The following FAM170A variants were observed in gnomAD, a reference collection of about 807,000 sequenced individuals.
FAM170A encodes the protein family with sequence similarity 170 member A.
A neutral mutation model predicts 36.6 loss-of-function variants in FAM170A; 28 were observed. That is an observed-to-expected ratio of 0.76 (90% CI 0.57 to 1.05). The LOEUF is 1.05. Ranked by LOEUF, FAM170A falls within the 50% of genes least tolerant of loss-of-function variation. The pLI is 0.00. For missense variants in FAM170A, 434 were observed against 396.5 expected (o/e 1.09, Z -0.80); for synonymous variants, 156 against 143.9 (o/e 1.08, Z -0.60).
At chr5:119,630,373 G>C (rs1329798404) in intron 1 of FAM170A, among the ~76,000 whole-genome samples, 2 of 143,430 alleles carry the variant, frequency 1.4e-5, no homozygotes, top group African/African-American at 5.3e-5. Context: ...GGGTTTCACC[G>C]TGTTAGCCAG....
rs1044780969 is a variant in FAM170A, at chr5:119,634,816, G to T, written c.986+82G>T. On this transcript the variant is annotated intron_variant, in intron 3 of 4. Transcript: ENST00000613773. ...TACTGTCTCCCCAGTTCAGGCTTAGGTCTCTGTAAGGAAGATTTGGGGGCT... is the reference window on the plus strand; with the variant it reads ...TACTGTCTCCCCAGTTCAGGCTTAGTTCTCTGTAAGGAAGATTTGGGGGCT... The T allele has an allele frequency of 2.1e-5, 30 of 1,416,584 alleles. No individual in the cohort carries two copies. In the Admixed American group the frequency reaches 6.7e-4, roughly 32 times the overall value. 87.8% of individuals were successfully genotyped at this position (1,416,584 alleles called of 1,614,324 possible).
intron 1 of FAM170A, among the ~76,000 whole-genome samples, chr5:119,630,328 T>G (rs753173826): frequency 0.051 from 7,289 of 142,960 alleles, 494 homozygotes; most frequent in East Asian, 0.33. Context: ...CTAATTTTTT[T>G]TTTTTTTTTT....
Position 119,632,789 on chromosome 5 carries a change from A to T in FAM170A, c.112A>T (p.Thr38Ser), listed in dbSNP as rs749846243. 3.3e-5 allele frequency: 54 copies of T among 1,612,276 alleles called. No individual in the cohort carries two copies. In the Admixed American group the frequency reaches 8.8e-4, roughly 26 times the overall value. ...AGAGGATGCCCTGCAGCCTGGATCC[A>T]CTAGAGTGGCCAAAGGCTGGAGCCA... is the stretch of plus-strand genomic sequence containing the variant. The change falls in exon 2 of 5, where the codon ACT (threonine) becomes TCT (serine). Residue 38 changes from threonine to serine, a missense_variant. Physicochemically the swap from Thr to Ser is moderately conservative, Grantham distance 58. Transcript: ENST00000613773.
chr5:119,629,647 A>G, exon 1 of FAM170A: 1 of 742,798 alleles, frequency 1.3e-6, no homozygotes, highest in Non-Finnish European at 2.3e-6. Context: ...TCGGAGATTC[A>G]ACTACGTTTA....
At chr5:119,631,932 A>T (rs1315430160) in intron 1 of FAM170A, among the ~76,000 whole-genome samples, 1 of 152,212 alleles carries the variant, frequency 6.6e-6, no homozygotes, top group African/African-American at 2.4e-5. Context: ...GATAAAATAC[A>T]GGATGTTCAG....
exon 3 of FAM170A, chr5:119,634,681 G>A: frequency 6.4e-7 from 1 of 1,567,364 alleles, no homozygotes; most frequent in Non-Finnish European, 8.6e-7. Flanking sequence ...TTGGCCTGAG[G>A]AGATCCTGGA....
Position 119,629,740 on chromosome 5 carries a change from A to AT in FAM170A, c.-28dup. ...AAAAAGTGGGAGGTGGACATTAAGC[A>AT]TCTTCTAGAAACTCTTCTAGCTGAT... On this transcript the variant is annotated 5_prime_UTR_variant, in exon 1 of 5. The change abolishes the stop of an existing upstream ORF in the 5' untranslated region. Coordinates refer to ENST00000613773, the Ensembl canonical transcript of FAM170A. 1 of 1,587,010 alleles carries AT rather than the reference A, an allele frequency of 6.3e-7. No homozygotes were observed. Among genetic ancestry groups the AT allele is most frequent in the Non-Finnish European group, 8.6e-7 (1 of 1,157,082 alleles).
chr5:119,632,813 C>T lies in FAM170A; in HGVS notation c.136C>T (p.Gln46Ter). The T allele has an allele frequency of 6.2e-7, 1 of 1,613,060 alleles. No individual in the cohort carries two copies. ...CACTAGAGTGGCCAAAGGCTGGAGCCAAGGGGTGGGAGAAGTTACTTCTAC... is the reference window on the plus strand; with the variant it reads ...CACTAGAGTGGCCAAAGGCTGGAGCTAAGGGGTGGGAGAAGTTACTTCTAC... The change falls in exon 2 of 5, where the codon CAA becomes TAA. Residue 46 changes from glutamine to a stop codon, truncating the protein, a stop_gained. Coordinates refer to ENST00000613773, the Ensembl canonical transcript of FAM170A. LOFTEE classifies it high-confidence loss of function.
rs1756201900 is a variant in FAM170A, at chr5:119,629,853, A to G, written c.70+15A>G. On this transcript the variant is annotated intron_variant, in intron 1 of 4. Coordinates refer to ENST00000613773, the Ensembl canonical transcript of FAM170A. Reference sequence around the variant, plus strand: ...GAAGGGAGGAGGTATGTGCGGGGCAAACTTTCTGGGGCACAAGCGTCACTG... The same window carrying G: ...GAAGGGAGGAGGTATGTGCGGGGCAGACTTTCTGGGGCACAAGCGTCACTG... 6.2e-7 allele frequency: 1 copy of G among 1,605,320 alleles called. No individual in the cohort carries two copies. Among genetic ancestry groups the G allele is most frequent in the African/African-American group, 1.3e-5 (1 of 74,690 alleles).
At chr5:119,632,724 C>T (rs1358902197) in intron 1 of FAM170A, 24 bp from the exon 2 acceptor site, 1 of 1,543,782 alleles carries the variant, frequency 6.5e-7, no homozygotes, top group African/African-American at 1.4e-5. Context: ...CATCATATCT[C>T]TGTTCCCTTC....
intron 1 of FAM170A, among the ~76,000 whole-genome samples, chr5:119,631,596 G>C (rs1280753461): frequency 6.6e-6 from 1 of 152,092 alleles, no homozygotes; most frequent in Admixed American, 6.5e-5. Flanking sequence ...TATATACTCT[G>C]ATACAGAGAA....
rs1024839926 is a variant in FAM170A, at chr5:119,629,611, T to A, written c.-158T>A. 3 of 571,578 alleles carry A rather than the reference T, an allele frequency of 5.2e-6. No homozygotes were observed. In the African/African-American group the frequency reaches 5.7e-5, roughly 11 times the overall value. The allele number at this position is 571,578 out of a possible 1,614,324, so 35.4% of individuals were successfully genotyped here. ...GCACTGGGCAGTGCTGCTCCTTCACTAAGCGGTCTGAGTTCTTTAGCTATC... is the reference window on the plus strand; with the variant it reads ...GCACTGGGCAGTGCTGCTCCTTCACAAAGCGGTCTGAGTTCTTTAGCTATC... On this transcript the variant is annotated 5_prime_UTR_variant, in exon 1 of 5. Transcript: ENST00000613773.
chr5:119,630,011 C>G (rs1178478051), intron 1 of FAM170A, among the ~76,000 whole-genome samples, 173 bp downstream of exon 1: 1 of 151,962 alleles, frequency 6.6e-6, no homozygotes, highest in Non-Finnish European at 1.5e-5. Context: ...CCTGCCTCAG[C>G]CTCCCGAGTA....
In FAM170A at chr5:119,634,654, G is replaced by C. The variant is rs1244053248; in HGVS notation, c.906G>C (p.Gln302His). 5.6e-6 allele frequency: 9 copies of C among 1,600,160 alleles called. No individual in the cohort carries two copies. The Admixed American group carries it at 8.5e-5, about 15-fold the overall frequency. Residue 302 changes from glutamine (Q) to histidine (H), a missense_variant, in exon 3 of 5, where the codon CAG becomes CAC. Physicochemically the swap from Gln to His is conservative, Grantham distance 24. Coordinates refer to ENST00000613773, the Ensembl canonical transcript of FAM170A. ...CAGAAGCAAAGGAGGAGGAGGGGCA[G>C]CCCACAGAAGAAGACCTTGGCCTGA...
At chr5:119,633,243 G>A (rs1314801991) in intron 2 of FAM170A, among the ~76,000 whole-genome samples, 1 of 152,160 alleles carries the variant, frequency 6.6e-6, no homozygotes, top group East Asian at 1.9e-4. Flanking sequence ...CCAAGGATGA[G>A]GCTAAGAAGA....
exon 4 of FAM170A, chr5:119,635,052 A>C (rs368821554): frequency 6.2e-7 from 1 of 1,613,820 alleles, no homozygotes; most frequent in Non-Finnish European, 8.5e-7. Flanking sequence ...GGGCCAGAAG[A>C]TACTGGAAGA....
At chr5:119,633,869 C>T in intron 2 of FAM170A, 91 bp from the exon 3 acceptor site, 1 of 1,490,014 alleles carries the variant, frequency 6.7e-7, no homozygotes, top group Non-Finnish European at 9.0e-7. Context: ...ACCACAGTCC[C>T]TGTCTCCTGC....
chr5:119,634,755 G>C (rs1236272059), intron 3 of FAM170A, 21 bp downstream of exon 3: 11 of 1,524,200 alleles, frequency 7.2e-6, no homozygotes, highest in Non-Finnish European at 9.7e-6. Flanking sequence ...CCTGGGTTGT[G>C]GGTCTGCTGA....
chr5:119,632,091 A>G (rs1756265802), intron 1 of FAM170A, among the ~76,000 whole-genome samples: 1 of 152,248 alleles, frequency 6.6e-6, no homozygotes, highest in Non-Finnish European at 1.5e-5. Flanking sequence ...AATTTATCTA[A>G]AATTCAAATT....
Sources: gnomAD v4.1 joint callset for allele counts (sites outside exome capture counted in the v4.1 genomes callset) on GRCh38, gnomAD v4.1.1 for gene constraint, MANE v1.5 for transcripts, NCBI Gene and HGNC (gene_info 2026-07-23, HGNC 2026-07-21) for gene names.